The following TRIP6 variants were observed in gnomAD, a reference collection of about 807,000 sequenced individuals.
TRIP6 encodes the protein thyroid hormone receptor interactor 6.
Under a neutral mutation model 51.9 loss-of-function variants are expected in TRIP6, and 33 were observed. That is an observed-to-expected ratio of 0.64 (90% CI 0.48 to 0.85). The LOEUF (loss-of-function observed/expected upper bound fraction) is 0.85, where lower values mean the gene tolerates loss of function less well. Among genes scored for constraint, TRIP6 ranks in the 40% least tolerant of loss-of-function variants. The probability of loss-of-function intolerance (pLI) is 0.00; values close to 1 mark genes in which losing one functional copy is unlikely to be tolerated. For synonymous variants in TRIP6, 255 were observed against 275.8 expected (o/e 0.92, Z 0.75); for missense variants, 661 against 652.1 (o/e 1.01, Z -0.15).
chr7:100,873,189 C>G lies in TRIP6; in HGVS notation c.1317C>G (p.Leu439=), dbSNP rs538314218. The G allele has an allele frequency of 1.1e-5, 17 of 1,612,544 alleles. No individual in the cohort carries two copies. Among genetic ancestry groups the G allele is most frequent in the Non-Finnish European group, 1.2e-5 (14 of 1,179,220 alleles). The change falls in exon 9 of 9, where the codon CTC becomes CTG. Residue 439 remains leucine, a synonymous_variant. Coordinates refer to ENST00000200457, the MANE Select transcript of TRIP6 (RefSeq NM_003302.3). ...TTCAACAGGAGTGTGGGCTGCTGCT[C>G]TCCTCTGAGGGCGAGTGTCAGGGCT... ...CYKCEECGLL[L]SSEGECQGCY...
Position 100,871,621 on chromosome 7 carries a change from C to T in TRIP6, c.1078C>T (p.Pro360Ser). The T allele has an allele frequency of 1.2e-6, 2 of 1,614,158 alleles. No homozygotes were observed. The highest frequency in any genetic ancestry group is 2.2e-5 in the South Asian group (2 of 91,090). Reference protein sequence around the residue: ...ILRAMGKAYHPGCFTCVVCHR... With the variant: ...ILRAMGKAYHSGCFTCVVCHR... ...GCGGGCTATGGGGAAGGCCTACCACCCTGGCTGCTTCACCTGCGTGGTGTG... is the reference window on the plus strand; with the variant it reads ...GCGGGCTATGGGGAAGGCCTACCACTCTGGCTGCTTCACCTGCGTGGTGTG... The change falls in exon 7 of 9, where the codon CCT becomes TCT. Residue 360 changes from proline to serine, a missense_variant. Pro to Ser is a moderately conservative substitution (Grantham distance 74). Coordinates refer to ENST00000200457, the MANE Select transcript of TRIP6 (RefSeq NM_003302.3).
chr7:100,867,929 G>C lies in TRIP6; in HGVS notation c.178G>C (p.Gly60Arg). ...PSEQCYQAPG[G>R]PEDRGPAWVG... ...TGAGCAGTGTTACCAGGCCCCAGGG[G>C]GACCGGAGGATCGGGGGCCGGCGTG... is the stretch of plus-strand genomic sequence containing the variant. The change falls in exon 2 of 9, where the codon GGA becomes CGA. Residue 60 changes from glycine to arginine, a missense_variant. Coordinates refer to ENST00000200457, the MANE Select transcript of TRIP6 (RefSeq NM_003302.3). The surrounding 1 kb of genome is among the most constrained non-coding windows in gnomAD (Gnocchi z 5.4). 1 of 1,516,130 alleles carries C rather than the reference G, an allele frequency of 6.6e-7. No individual in the cohort carries two copies. 93.9% of individuals were successfully genotyped at this position (1,516,130 alleles called of 1,614,324 possible).
intron 4 of TRIP6, among the ~76,000 whole-genome samples, chr7:100,869,946 T>C (rs1381361838): frequency 6.6e-6 from 1 of 151,832 alleles, no homozygotes. Context: ...ACAATGTATA[T>C]TACAATGTAA....
Position 100,872,730 on chromosome 7 carries a change from T to C in TRIP6, c.1285T>C (p.Cys429Arg), listed in dbSNP as rs771447927. 11 of 1,614,074 alleles carry C rather than the reference T, an allele frequency of 6.8e-6. No homozygotes were observed. Among genetic ancestry groups the C allele is most frequent in the South Asian group, 1.1e-5 (1 of 91,080 alleles). Residue 429 changes from cysteine to arginine, a missense_variant, in exon 8 of 9, where the codon TGT (cysteine) becomes CGT (arginine). Coordinates refer to ENST00000200457, the MANE Select transcript of TRIP6 (RefSeq NM_003302.3). ...VALDRSFHIG[C>R]YKCEECGLLL... is the part of the protein sequence containing the mutation. ...TCTGGATCGAAGTTTTCACATTGGC[T>C]GTTACAAGTGCGAGGTCAGGGGCCC...
chr7:100,872,567 T>C (rs1815296159), intron 7 of TRIP6, 57 bp from the exon 8 acceptor site: 1 of 1,604,384 alleles, frequency 6.2e-7, no homozygotes, highest in Middle Eastern at 1.7e-4. Context: ...TGGGTTCCAT[T>C]GTTGGTGCCC....
rs762332357 is a variant in TRIP6, at chr7:100,871,604, T to C, written c.1061T>C (p.Met354Thr). The change falls in exon 7 of 9, where the codon ATG becomes ACG. Residue 354 changes from methionine to threonine, a missense_variant. Met to Thr is a moderately conservative substitution (Grantham distance 81, BLOSUM62 -1). Coordinates refer to ENST00000200457, the MANE Select transcript of TRIP6 (RefSeq NM_003302.3). The stretch of plus-strand genomic sequence containing the variant: ...ATCCTGGACCGGATCCTGCGGGCTA[T>C]GGGGAAGGCCTACCACCCTGGCTGC... The part of the protein sequence containing the change: ...QPILDRILRA[M>T]GKAYHPGCFT... 3 of 1,614,002 alleles carry C rather than the reference T, an allele frequency of 1.9e-6. No homozygotes were observed. Among genetic ancestry groups the C allele is most frequent in the African/African-American group, 1.3e-5 (1 of 74,926 alleles).
At position 100,872,758 on chromosome 7, in the gene TRIP6, AGCACGT is replaced by A; in HGVS notation, c.1299+18_1299+23del. On this transcript the variant is annotated intron_variant, in intron 8 of 8. Transcript: ENST00000200457. Reference sequence around the variant, plus strand: ...TACAAGTGCGAGGTCAGGGGCCCCCAGCACGTGCAAGGGGCTGGCAGTGTCTAGGGT... The same window carrying A: ...TACAAGTGCGAGGTCAGGGGCCCCCAGCAAGGGGCTGGCAGTGTCTAGGGT... The A allele has an allele frequency of 6.2e-7, 1 of 1,613,390 alleles. No homozygotes were observed. The highest frequency in any genetic ancestry group is 8.5e-7 in the Non-Finnish European group (1 of 1,179,580).
rs1443187521 is a variant in TRIP6 at position 100,868,749 on chromosome 7, T to G, written c.618T>G (p.Gly206=). ...PGPHFPLPGR[G]EVWGPGYRSQ... ...CCCACTTTCCTCTCCCAGGCCGAGG[T>G]GAAGTCTGGGGGCCTGGCTATAGGA... is the stretch of plus-strand genomic sequence containing the variant. Residue 206 remains glycine (G), a synonymous_variant, in exon 4 of 9, where the codon GGT becomes GGG. Transcript: ENST00000200457. 1 of 1,552,334 alleles carries G rather than the reference T, an allele frequency of 6.4e-7. No individual in the cohort carries two copies. The highest frequency in any genetic ancestry group is 1.4e-5 in the African/African-American group (1 of 72,278).
chr7:100,872,852 CTTT>C (rs367565917), intron 8 of TRIP6, 108 bp downstream of exon 8: 5,419 of 1,159,134 alleles, frequency 4.7e-3, no homozygotes, highest in Middle Eastern at 7.8e-3. Context: ...TTGCTTCTTT[CTTT>C]TTTTTTTTTT....
rs1309060585 is a variant in TRIP6 at position 100,867,580 on chromosome 7, C to CG, written c.87dup (p.Pro30AlafsTer23). The CG allele has an allele frequency of 1.9e-6, 3 of 1,539,566 alleles. No individual in the cohort carries two copies. The highest frequency in any genetic ancestry group is 2.7e-5 in the African/African-American group (2 of 72,782). On this transcript the variant is annotated frameshift_variant, in exon 1 of 9. Transcript: ENST00000200457. LOFTEE classifies it high-confidence loss of function. This position sits in a 1 kb window ranked among gnomAD's most constrained non-coding sequence, Gnocchi z 5.4. Reference sequence around the variant, plus strand: ...GGGAGGGCGATCCCCCGCGGCACCCCGGGGCCACCACCGGCCCACGGAGCA... The same window carrying CG: ...GGGAGGGCGATCCCCCGCGGCACCCCGGGGGCCACCACCGGCCCACGGAGCA...
At chr7:100,872,501 A>G in intron 7 of TRIP6, 123 bp from the exon 8 acceptor site, 1 of 1,440,564 alleles carries the variant, frequency 6.9e-7, no homozygotes, top group Non-Finnish European at 9.3e-7. Context: ...TCCCTTCCCC[A>G]AGACCTAAGG....
Position 100,870,430 on chromosome 7 carries a change from G to C in TRIP6, c.796G>C (p.Asp266His), listed in dbSNP as rs79466736. 7 of 1,611,880 alleles carry C rather than the reference G, an allele frequency of 4.3e-6. No individual in the cohort carries two copies. The highest frequency in any genetic ancestry group is 5.9e-6 in the Non-Finnish European group (7 of 1,179,478). The change falls in exon 5 of 9, where the codon GAC becomes CAC. Residue 266 changes from aspartate to histidine, a missense_variant. Asp to His is a moderately conservative substitution (Grantham distance 81). Coordinates refer to ENST00000200457, the MANE Select transcript of TRIP6 (RefSeq NM_003302.3). ...TAGGCTGACGAAGAAGCTGGTTCAC[G>C]ACATGAACCACCCGCCCAGCGGGGA... ...LDRLTKKLVHDMNHPPSGEYF... is the reference protein window; with the variant it reads ...LDRLTKKLVHHMNHPPSGEYF...
At position 100,867,598 on chromosome 7, in the gene TRIP6, A is replaced by G; in HGVS notation, c.101A>G (p.His34Arg). 3 of 1,540,154 alleles carry G rather than the reference A, an allele frequency of 1.9e-6. No homozygotes were observed. The highest frequency in any genetic ancestry group is 1.2e-5 in the South Asian group (1 of 84,516). Residue 34 changes from histidine to arginine, a missense_variant, in exon 1 of 9, where the codon CAC becomes CGC. Physicochemically the swap from His to Arg is conservative, Grantham distance 29 (BLOSUM62 0). Coordinates refer to ENST00000200457, the MANE Select transcript of TRIP6 (RefSeq NM_003302.3). The surrounding 1 kb of genome is among the most constrained non-coding windows in gnomAD (Gnocchi z 5.4). The stretch of plus-strand genomic sequence containing the variant: ...GGCACCCCGGGGCCACCACCGGCCC[A>G]CGGAGCAGGTAAGGCAGCCCTTGTG... ...PRGTPGPPPA[H>R]GAALQPHPRV... is the part of the protein sequence containing the mutation.
intron 4 of TRIP6, among the ~76,000 whole-genome samples, chr7:100,870,116 C>T (rs931639619): frequency 6.6e-6 from 1 of 152,146 alleles, no homozygotes; most frequent in Admixed American, 6.6e-5. Flanking sequence ...CTACATCCTT[C>T]GAACACACAG....
At chr7:100,872,852 CTTTT>C (rs367565917) in intron 8 of TRIP6, 108 bp downstream of exon 8, 1,201 of 1,171,948 alleles carry the variant, frequency 1.0e-3, no homozygotes, top group South Asian at 1.4e-3. Flanking sequence ...TTGCTTCTTT[CTTTT>C]TTTTTTTTTT....
At chr7:100,868,065 C>T (rs1389947087) in intron 2 of TRIP6, 43 bp from the exon 3 acceptor site, 2 of 1,604,158 alleles carry the variant, frequency 1.2e-6, no homozygotes, top group African/African-American at 1.3e-5. Flanking sequence ...CAGGAGAAGG[C>T]CTATGGTGAT....
Position 100,867,721 on chromosome 7 carries a change from G to T in TRIP6, c.109+115G>T. 2.6e-6 allele frequency: 4 copies of T among 1,517,746 alleles called. No homozygotes were observed. The highest frequency in any genetic ancestry group is 3.5e-6 in the Non-Finnish European group (4 of 1,127,452). The allele number at this position is 1,517,746 out of a possible 1,614,324, so 94.0% of individuals were successfully genotyped here. On this transcript the variant is annotated intron_variant, in intron 1 of 8. Transcript: ENST00000200457. This position sits in a 1 kb window ranked among gnomAD's most constrained non-coding sequence, Gnocchi z 5.4. The stretch of plus-strand genomic sequence containing the variant: ...TCCTGCCCCTTCCCCAAGCCGAGGC[G>T]GGGGGAACAGCCGCCTGCGCTCTCT...
intron 4 of TRIP6, among the ~76,000 whole-genome samples, chr7:100,869,693 G>C (rs896728611): frequency 2.1e-5 from 3 of 144,028 alleles, no homozygotes; most frequent in Non-Finnish European, 4.5e-5. Flanking sequence ...GATGTTCTCA[G>C]ATGAGCTTTC....
At position 100,870,450 on chromosome 7, in the gene TRIP6, C is replaced by T. The variant is rs750194164; in HGVS notation, c.816C>T (p.Ser272=). 1.8e-5 allele frequency: 27 copies of T among 1,475,688 alleles called. No individual in the cohort carries two copies. Among genetic ancestry groups the T allele is most frequent in the South Asian group, 4.5e-5 (4 of 88,524 alleles). 91.4% of individuals were successfully genotyped at this position (1,475,688 alleles called of 1,614,324 possible). A position where few individuals can be genotyped will look rare whatever the true frequency, so the allele number is the denominator to read the frequency against. ...KLVHDMNHPP[S]GEYFGQCGGC... is the part of the protein sequence containing the mutation. Reference sequence around the variant, plus strand: ...TTCACGACATGAACCACCCGCCCAGCGGGGAGTACTTTGGTGAGCTGAGGC... The same window carrying T: ...TTCACGACATGAACCACCCGCCCAGTGGGGAGTACTTTGGTGAGCTGAGGC... Residue 272 remains serine (S), a synonymous_variant, in exon 5 of 9, where the codon AGC becomes AGT. Coordinates refer to ENST00000200457, the MANE Select transcript of TRIP6 (RefSeq NM_003302.3).
Sources: gnomAD v4.1 joint callset for allele counts (sites outside exome capture counted in the v4.1 genomes callset) on GRCh38, gnomAD v4.1.1 for gene constraint, Gnocchi (gnomAD v3.1) non-coding constraint, MANE v1.5 for transcripts, NCBI Gene and HGNC (gene_info 2026-07-23, HGNC 2026-07-21) for gene names.